KIF3B: variants seen among roughly 807,000 people sequenced by gnomAD.
The protein encoded by KIF3B is kinesin family member 3B.
In KIF3B, 38 loss-of-function variants were observed where a neutral mutation model predicts 74.3. The ratio of observed to expected loss-of-function variants is 0.51; its 90% confidence interval spans 0.39 to 0.67. The LOEUF is 0.67. KIF3B is among the 30% of genes least tolerant of loss of function. KIF3B has a pLI of 0.00. For synonymous variants in KIF3B, 326 were observed against 342.5 expected (o/e 0.95, Z 0.53); for missense variants, 649 against 932.0 (o/e 0.70, Z 3.95).
intron 7 of KIF3B, 35 bp downstream of exon 7, chr20:32,327,696 CTT>C: frequency 6.6e-7 from 1 of 1,512,866 alleles, no homozygotes; most frequent in Non-Finnish European, 9.2e-7. Context: ...TCTCCTGTCT[CTT>C]TTGGAGTCTA....
chr20:32,324,456 A>G lies in KIF3B; in HGVS notation c.1749-2315A>G, dbSNP rs73108563. On this transcript the variant is annotated intron_variant, in intron 5 of 8. Transcript: ENST00000375712. ...GGGCCTGAGAATGTTCATTTCTAGT[A>G]GGTTCCAGGTATTGCTTCTGCTGGT... Among the ~76,000 whole-genome samples, 747 of 152,264 alleles carry G rather than the reference A, an allele frequency of 4.9e-3. 1 individual carries two copies. The highest frequency in any genetic ancestry group is 8.1e-3 in the Non-Finnish European group (552 of 68,014).
At chr20:32,300,291 T>G (rs1395858204) in intron 1 of KIF3B, among the ~76,000 whole-genome samples, 1 of 151,908 alleles carries the variant, frequency 6.6e-6, no homozygotes, top group Non-Finnish European at 1.5e-5. Context: ...GTAAATTTTT[T>G]TTTTGAGACA....
At chr20:32,279,401 A>T (rs1168888810) in intron 1 of KIF3B, among the ~76,000 whole-genome samples, 1 of 151,664 alleles carries the variant, frequency 6.6e-6, no homozygotes, top group Non-Finnish European at 1.5e-5. Context: ...AGGAAACAAG[A>T]TCTCAGGTAA....
chr20:32,278,020 A>T (rs1371693741), intron 1 of KIF3B, among the ~76,000 whole-genome samples: 2 of 152,084 alleles, frequency 1.3e-5, no homozygotes, highest in Non-Finnish European at 2.9e-5. Context: ...GGCGGTGGTC[A>T]GGGCCCCAGT....
At position 32,331,134 on chromosome 20, in the gene KIF3B, A is replaced by G. The variant is rs143255961; in HGVS notation, c.2148-89A>G. 2.1e-4 allele frequency: 200 copies of G among 973,976 alleles called. No individual in the cohort carries two copies. In the African/African-American group the frequency reaches 2.4e-3, roughly 12 times the overall value. The allele number at this position is 973,976 out of a possible 1,614,324, so 60.3% of individuals were successfully genotyped here. On this transcript the variant is annotated intron_variant, in intron 8 of 8. Coordinates refer to ENST00000375712, the MANE Select transcript of KIF3B (RefSeq NM_004798.4). ...ACTTGTCGTTTTCAGGCCATTGAAG[A>G]ATGGCCTGAAATGAAATGTTAATGA...
chr20:32,322,670 ATT>A (rs1398367777), intron 5 of KIF3B, among the ~76,000 whole-genome samples: 3 of 51,948 alleles, frequency 5.8e-5, no homozygotes, highest in African/African-American at 4.1e-4. Context: ...TTATATATAT[ATT>A]TATATATTTA....
chr20:32,331,332 C>A lies in KIF3B; in HGVS notation c.*13C>A. 6.3e-7 allele frequency: 1 copy of A among 1,595,582 alleles called. No homozygotes were observed. The highest frequency in any genetic ancestry group is 8.6e-7 in the Non-Finnish European group (1 of 1,169,322). ...GGTTCCAAAGTAAAGCCAGCTTCTC[C>A]TCTCCCAGGGCGGAAACAGCATTTG... On this transcript the variant is annotated 3_prime_UTR_variant, in exon 9 of 9. Coordinates refer to ENST00000375712, the MANE Select transcript of KIF3B (RefSeq NM_004798.4).
At chr20:32,327,074 G>A (rs1286844643) in intron 6 of KIF3B, among the ~76,000 whole-genome samples, 190 bp downstream of exon 6, 2 of 152,164 alleles carry the variant, frequency 1.3e-5, no homozygotes, top group Non-Finnish European at 2.9e-5. Context: ...TCATGAGTGT[G>A]GTTTTAGGAA....
intron 1 of KIF3B, among the ~76,000 whole-genome samples, chr20:32,307,870 GAT>G (rs1224556113): frequency 6.8e-6 from 1 of 146,428 alleles, no homozygotes; most frequent in Non-Finnish European, 1.5e-5. Flanking sequence ...AGTGAGCCGA[GAT>G]CGTGCCACTG....
chr20:32,313,853 T>G (rs527314511), intron 2 of KIF3B, among the ~76,000 whole-genome samples: 11 of 152,196 alleles, frequency 7.2e-5, no homozygotes, highest in African/African-American at 2.6e-4. Context: ...ACTACAGGTG[T>G]GCACTGCCAT....
At chr20:32,291,617 ATTTT>A (rs11475041) in intron 1 of KIF3B, among the ~76,000 whole-genome samples, 2 of 128,532 alleles carry the variant, frequency 1.6e-5, no homozygotes, top group African/African-American at 3.0e-5. Context: ...TGTCTTATAC[ATTTT>A]TTTTTTTTTT....
chr20:32,300,847 T>C (rs1252236787), intron 1 of KIF3B, among the ~76,000 whole-genome samples: 2 of 149,766 alleles, frequency 1.3e-5, no homozygotes, highest in Admixed American at 1.4e-4. Flanking sequence ...ATTTTGTTGT[T>C]GTTGTTGTTG....
At chr20:32,303,406 A>G (rs921983344) in intron 1 of KIF3B, among the ~76,000 whole-genome samples, 13 of 151,834 alleles carry the variant, frequency 8.6e-5, no homozygotes, top group African/African-American at 2.2e-4. Flanking sequence ...CTCTACTAAA[A>G]ATGCAAAAAT....
In KIF3B at chr20:32,331,168, G is replaced by A; in HGVS notation, c.2148-55G>A. ...AAATGAAATGTTAATGACATCTGAT[G>A]TGTCAGGGACAGAGATGGGGACATG... On this transcript the variant is annotated intron_variant, in intron 8 of 8. Transcript: ENST00000375712. 2.5e-6 allele frequency: 3 copies of A among 1,218,806 alleles called. 1 individual carries two copies. Among genetic ancestry groups the A allele is most frequent in the South Asian group, 2.4e-5 (2 of 82,014 alleles). The allele number at this position is 1,218,806 out of a possible 1,614,324, so 75.5% of individuals were successfully genotyped here.
chr20:32,331,712 C>G lies in KIF3B; in HGVS notation c.*393C>G, dbSNP rs1433810656. The G allele has an allele frequency of 5.1e-6, 1 of 195,336 alleles. No homozygotes were observed. Among genetic ancestry groups the G allele is most frequent in the Non-Finnish European group, 1.0e-5 (1 of 98,138 alleles). The allele number at this position is 195,336 out of a possible 1,614,324, so 12.1% of individuals were successfully genotyped here. A position where few individuals can be genotyped will look rare whatever the true frequency, so the allele number is the denominator to read the frequency against. ...GCTCCCTTCTTGTTGAACAATAGGG[C>G]AGAATCAGGAGTCACCTTAGCAGGA... On this transcript the variant is annotated 3_prime_UTR_variant, in exon 9 of 9. Transcript: ENST00000375712.
At position 32,311,137 on chromosome 20, in the gene KIF3B, C is replaced by T. The variant is rs776278434; in HGVS notation, c.1360C>T (p.Arg454Trp). 16 of 1,612,366 alleles carry T rather than the reference C, an allele frequency of 9.9e-6. No individual in the cohort carries two copies. Among genetic ancestry groups the T allele is most frequent in the Admixed American group, 3.4e-5 (2 of 59,700 alleles). The change falls in exon 2 of 9, where the codon CGG (arginine) becomes TGG (tryptophan). Residue 454 changes from arginine to tryptophan, a missense_variant. Arg to Trp is a moderately radical substitution (Grantham distance 101). Coordinates refer to ENST00000375712, the MANE Select transcript of KIF3B (RefSeq NM_004798.4). ...GAAAGAGAAAAAGATGGAGGACCTGCGGCGGGAGAAGGATGCTGCCGAGAT... is the reference window on the plus strand; with the variant it reads ...GAAAGAGAAAAAGATGGAGGACCTGTGGCGGGAGAAGGATGCTGCCGAGAT... ...KEKEKKMEDLRREKDAAEMLG... is the reference protein window; with the variant it reads ...KEKEKKMEDLWREKDAAEMLG...
In KIF3B at chr20:32,310,305, G is replaced by A; in HGVS notation, c.528G>A (p.Val176=). ...AGAGGCCTGACACAGGAGTGTATGT[G>A]AAAGACCTGTCTTCCTTTGTCACCA... ...LKERPDTGVY[V]KDLSSFVTKS... is the part of the protein sequence containing the mutation. The change falls in exon 2 of 9, where the codon GTG becomes GTA. Residue 176 remains valine (V), a synonymous_variant. Coordinates refer to ENST00000375712, the MANE Select transcript of KIF3B (RefSeq NM_004798.4). This position sits in a 1 kb window ranked among gnomAD's most constrained non-coding sequence, Gnocchi z 6.5. The A allele has an allele frequency of 6.2e-7, 1 of 1,613,934 alleles. No homozygotes were observed. Among genetic ancestry groups the A allele is most frequent in the East Asian group, 2.2e-5 (1 of 44,886 alleles).
At chr20:32,327,723 CT>C in intron 7 of KIF3B, 62 bp downstream of exon 7, 1 of 1,224,920 alleles carries the variant, frequency 8.2e-7, no homozygotes, top group Non-Finnish European at 1.2e-6. Flanking sequence ...TGTGTAAGCC[CT>C]TAGATACTAT....
At chr20:32,315,675 C>T (rs913440370) in intron 2 of KIF3B, among the ~76,000 whole-genome samples, 7 of 152,066 alleles carry the variant, frequency 4.6e-5, no homozygotes, top group African/African-American at 1.7e-4. Context: ...ATCGTGCCAC[C>T]GCATTCCAGC....
Sources: gnomAD v4.1 joint callset for allele counts (sites outside exome capture counted in the v4.1 genomes callset) on GRCh38, gnomAD v4.1.1 for gene constraint, Gnocchi (gnomAD v3.1) non-coding constraint, MANE v1.5 for transcripts, NCBI Gene and HGNC (gene_info 2026-07-23, HGNC 2026-07-21) for gene names.